DPYD: variants seen among roughly 807,000 people sequenced by gnomAD.
The protein encoded by DPYD is dihydropyrimidine dehydrogenase [NADP(+)].
DPYD carries 109 observed loss-of-function variants against 116.2 expected under a neutral mutation model. The observed-to-expected ratio is 0.94, with a 90% CI of 0.80 to 1.10. The LOEUF (loss-of-function observed/expected upper bound fraction) is 1.10, where lower values mean the gene tolerates loss of function less well. Among genes scored for constraint, DPYD ranks in the 50% least tolerant of loss-of-function variants. The pLI is 0.00. For synonymous variants in DPYD, 440 were observed against 432.0 expected (o/e 1.02, Z -0.23); for missense variants, 1,302 against 1,254.5 (o/e 1.04, Z -0.57).
chr1:97,686,419 G>A lies in DPYD; in HGVS notation c.762+5298C>T, dbSNP rs563429484. On this transcript the variant is annotated intron_variant, in intron 7 of 22. Coordinates refer to ENST00000370192, the MANE Select transcript of DPYD (RefSeq NM_000110.4). ...TGGGAGGCCGAGGCGGGCGGATCAC[G>A]AGGTCAGGAGATCGAGACCATCCTG... Among the ~76,000 whole-genome samples, 6 of 151,310 alleles carry A rather than the reference G, an allele frequency of 4.0e-5. No individual in the cohort carries two copies. The South Asian group carries it at 6.3e-4, about 16-fold the overall frequency.
At chr1:97,877,369 G>A (rs1254245251) in intron 2 of DPYD, among the ~76,000 whole-genome samples, 1 of 151,832 alleles carries the variant, frequency 6.6e-6, no homozygotes, top group Non-Finnish European at 1.5e-5. Context: ...AAGGGGTGAG[G>A]GGGACAAGCA....
At chr1:97,815,165 A>C (rs1013176923) in intron 3 of DPYD, among the ~76,000 whole-genome samples, 3 of 152,094 alleles carry the variant, frequency 2.0e-5, no homozygotes, top group Non-Finnish European at 4.4e-5. Context: ...GGATATGTTA[A>C]ATTTGGGTTG....
intron 3 of DPYD, among the ~76,000 whole-genome samples, chr1:97,796,535 T>C (rs1007248116): frequency 7.9e-5 from 12 of 152,166 alleles, no homozygotes; most frequent in Admixed American, 2.6e-4. Flanking sequence ...CCCACTTCAA[T>C]AAAACTCTTT....
chr1:97,740,423 A>G lies in DPYD; in HGVS notation c.290T>C (p.Ile97Thr), dbSNP rs375990187. ...CQKSCPTNLD[I>T]KSFITSIANK... ...TGCAATACTTGTGATGAATGATTTA[A>G]TATCAAGATTAGTTGGACAGCTCTT... The change falls in exon 4 of 23, where the codon ATT becomes ACT. Residue 97 changes from isoleucine to threonine, a missense_variant. Transcript: ENST00000370192. 1.9e-6 allele frequency: 3 copies of G among 1,613,218 alleles called. No homozygotes were observed. The highest frequency in any genetic ancestry group is 1.7e-6 in the Non-Finnish European group (2 of 1,179,460).
chr1:97,259,246 C>T (rs1303702409), intron 18 of DPYD, among the ~76,000 whole-genome samples: 1 of 152,016 alleles, frequency 6.6e-6, no homozygotes, highest in African/African-American at 2.4e-5. Context: ...ACAATGCTGA[C>T]TACTAGAAAG....
chr1:97,854,461 A>G (rs1001245242), intron 2 of DPYD, among the ~76,000 whole-genome samples: 13 of 152,232 alleles, frequency 8.5e-5, no homozygotes, highest in Non-Finnish European at 4.4e-5. Flanking sequence ...ACTGGGAAGA[A>G]GCTCAGGTGC....
At chr1:97,724,219 C>CAAGAA (rs1412497662) in intron 4 of DPYD, among the ~76,000 whole-genome samples, 5 of 150,928 alleles carry the variant, frequency 3.3e-5, no homozygotes, top group Non-Finnish European at 7.4e-5. Context: ...CCTCCAATAT[C>CAAGAA]AAGAAAAGAA....
intron 2 of DPYD, among the ~76,000 whole-genome samples, chr1:97,854,481 C>T (rs1009616173): frequency 5.3e-5 from 8 of 152,192 alleles, no homozygotes; most frequent in Non-Finnish European, 1.0e-4. Flanking sequence ...CCCCAACACT[C>T]CTACCATGGG....
At position 97,133,998 on chromosome 1, in the gene DPYD, CA is replaced by C. The variant is rs1208967697; in HGVS notation, c.2623-35367del. ...TGGGTCACAGAGCCAGACTCTGTTTCAAAAAAAAAAAAAAAAATATATATAT... is the reference window on the plus strand; with the variant it reads ...TGGGTCACAGAGCCAGACTCTGTTTCAAAAAAAAAAAAAAAATATATATAT... On this transcript the variant is annotated intron_variant, in intron 20 of 22. Coordinates refer to ENST00000370192, the MANE Select transcript of DPYD (RefSeq NM_000110.4). Among the ~76,000 whole-genome samples, 157 of 17,232 alleles carry C rather than the reference CA, an allele frequency of 9.1e-3. 9 individuals are homozygous for C. Among genetic ancestry groups the C allele is most frequent in the Middle Eastern group, 0.023 (1 of 44 alleles). The allele number at this position is 17,232 out of a possible 152,430, so 11.3% of individuals were successfully genotyped here. A position where few individuals can be genotyped will look rare whatever the true frequency, so the allele number is the denominator to read the frequency against.
chr1:97,575,684 G>A (rs570369810), intron 10 of DPYD, among the ~76,000 whole-genome samples: 197 of 152,242 alleles, frequency 1.3e-3, no homozygotes, highest in African/African-American at 4.5e-3. Flanking sequence ...ATATAAAACT[G>A]CTCACTCCTC....
chr1:97,721,600 T>C lies in DPYD; in HGVS notation c.393A>G (p.Pro131=), dbSNP rs779135187. 1.6e-5 allele frequency: 26 copies of C among 1,611,854 alleles called. No individual in the cohort carries two copies. The highest frequency in any genetic ancestry group is 2.0e-5 in the Non-Finnish European group (24 of 1,178,534). The change falls in exon 5 of 23, where the codon CCA becomes CCG. Residue 131 remains proline, a synonymous_variant. Coordinates refer to ENST00000370192, the MANE Select transcript of DPYD (RefSeq NM_000110.4). ...ATCCACCTACACAAAGATCAGAGGTTGGACATACCATTCCACAAGTCAGAC... is the reference window on the plus strand; with the variant it reads ...ATCCACCTACACAAAGATCAGAGGTCGGACATACCATTCCACAAGTCAGAC... ...PLGLTCGMVC[P]TSDLCVGGCN... is the part of the protein sequence containing the mutation.
chr1:97,437,313 A>G (rs1190032251), intron 14 of DPYD, among the ~76,000 whole-genome samples: 1 of 151,206 alleles, frequency 6.6e-6, no homozygotes, highest in Non-Finnish European at 1.5e-5. Flanking sequence ...TTTTTTTTGA[A>G]TCTGGATTCC....
intron 20 of DPYD, among the ~76,000 whole-genome samples, chr1:97,152,691 A>G (rs1655122654): frequency 6.6e-6 from 1 of 151,136 alleles, no homozygotes; most frequent in Non-Finnish European, 1.5e-5. Flanking sequence ...CTGTAGACTA[A>G]TATATTGATA....
intron 22 of DPYD, among the ~76,000 whole-genome samples, chr1:97,081,896 G>A (rs1649182717): frequency 6.6e-6 from 1 of 151,882 alleles, no homozygotes; most frequent in Admixed American, 6.6e-5. Flanking sequence ...TCTGACTGTA[G>A]TAAAAGCCTA....
chr1:97,747,034 A>C (rs775311494), intron 3 of DPYD, among the ~76,000 whole-genome samples: 3 of 152,030 alleles, frequency 2.0e-5, no homozygotes, highest in Non-Finnish European at 4.4e-5. Context: ...ATGAAGGAAA[A>C]GTGTCCCAAT....
intron 8 of DPYD, among the ~76,000 whole-genome samples, chr1:97,607,738 A>C (rs975064323): frequency 1.3e-5 from 2 of 151,910 alleles, no homozygotes; most frequent in African/African-American, 4.8e-5. Context: ...GAGAGGTATC[A>C]GCTCAAACTT....
At chr1:97,200,781 C>T (rs1052564500) in intron 19 of DPYD, among the ~76,000 whole-genome samples, 3 of 152,086 alleles carry the variant, frequency 2.0e-5, no homozygotes, top group African/African-American at 4.8e-5. Flanking sequence ...ATCAGGAGTC[C>T]AGACTGGCTA....
chr1:97,749,980 T>C (rs1443844499), intron 3 of DPYD, among the ~76,000 whole-genome samples: 1 of 151,848 alleles, frequency 6.6e-6, no homozygotes, highest in African/African-American at 2.4e-5. Flanking sequence ...CCAGGCTTCA[T>C]AGAAAAAAAA....
At chr1:97,808,356 C>CT (rs1346817315) in intron 3 of DPYD, among the ~76,000 whole-genome samples, 2 of 151,810 alleles carry the variant, frequency 1.3e-5, no homozygotes, top group African/African-American at 4.8e-5. Context: ...TAAATATTTC[C>CT]TTTTTTGGTG....
Sources: gnomAD v4.1 joint callset for allele counts (sites outside exome capture counted in the v4.1 genomes callset) on GRCh38, gnomAD v4.1.1 for gene constraint, MANE v1.5 for transcripts, NCBI Gene and HGNC (gene_info 2026-07-23, HGNC 2026-07-21) for gene names.